The following ESR1 variants were observed in gnomAD, a reference collection of about 807,000 sequenced individuals.
ESR1 encodes the protein estrogen receptor 1.
In ESR1, 12 loss-of-function variants were observed where a neutral mutation model predicts 52.7. That is an observed-to-expected ratio of 0.23 (90% CI 0.15 to 0.37). The LOEUF (loss-of-function observed/expected upper bound fraction) is 0.37. Among genes scored for constraint, ESR1 ranks in the 10% least tolerant of loss-of-function variants. The probability of loss-of-function intolerance (pLI) is 1.00; values close to 1 mark genes in which losing one functional copy is unlikely to be tolerated. For synonymous variants in ESR1, 305 were observed against 316.8 expected (o/e 0.96, Z 0.39); for missense variants, 584 against 779.7 (o/e 0.75, Z 2.99).
intron 2 of ESR1, among the ~76,000 whole-genome samples, chr6:151,771,466 T>C (rs1191457970): frequency 6.6e-6 from 1 of 152,234 alleles, no homozygotes; most frequent in Non-Finnish European, 1.5e-5. Context: ...GAATTTCTTG[T>C]GGCAGGCTGG....
At chr6:152,120,953 G>C (rs1013837961) in intron 6 of ESR1, among the ~76,000 whole-genome samples, 1 of 152,122 alleles carries the variant, frequency 6.6e-6, no homozygotes, top group Non-Finnish European at 1.5e-5. Context: ...GAGAGAAGTT[G>C]AAGGTTTACA....
intron 2 of ESR1, among the ~76,000 whole-genome samples, chr6:151,858,042 G>A (rs949894269): frequency 5.9e-5 from 9 of 151,980 alleles, no homozygotes; most frequent in African/African-American, 2.2e-4. Context: ...TCTTCCCTCA[G>A]TACAGAAAGA....
intron 5 of ESR1, among the ~76,000 whole-genome samples, chr6:152,040,974 A>G (rs1183810243): frequency 6.6e-6 from 1 of 152,152 alleles, no homozygotes; most frequent in African/African-American, 2.4e-5. Context: ...GCTGTGCACA[A>G]CCCACTTTAT....
intron 6 of ESR1, among the ~76,000 whole-genome samples, chr6:152,066,485 G>T: frequency 6.6e-6 from 1 of 152,226 alleles, no homozygotes; most frequent in Non-Finnish European, 1.5e-5. Flanking sequence ...TGGGCACATT[G>T]TCAGGTATGC....
intron 2 of ESR1, among the ~76,000 whole-genome samples, chr6:151,717,220 G>T (rs897469417): frequency 6.6e-6 from 1 of 152,162 alleles, no homozygotes; most frequent in Non-Finnish European, 1.5e-5. Context: ...AGATGAGCTG[G>T]GTACCTCAGT....
chr6:152,054,078 GA>G (rs370376620), intron 5 of ESR1, among the ~76,000 whole-genome samples: 3 of 150,054 alleles, frequency 2.0e-5, no homozygotes, highest in Admixed American at 6.7e-5. Context: ...CTTAGCAAGT[GA>G]AAAAAAAACT....
At chr6:151,670,762 G>GTT (rs35606990) in intron 1 of ESR1, among the ~76,000 whole-genome samples, 6,354 of 85,598 alleles carry the variant, frequency 0.074, 281 homozygotes, top group African/African-American at 0.12. Flanking sequence ...TTTTGTTTTC[G>GTT]TTTTTTTTTT....
intron 3 of ESR1, among the ~76,000 whole-genome samples, chr6:151,888,537 A>G (rs1431533575): frequency 6.6e-6 from 1 of 152,092 alleles, no homozygotes; most frequent in Non-Finnish European, 1.5e-5. Context: ...ACTTTACTGA[A>G]TTTGTTTATT....
At chr6:151,717,001 A>C (rs949332060) in intron 2 of ESR1, among the ~76,000 whole-genome samples, 2 of 152,170 alleles carry the variant, frequency 1.3e-5, no homozygotes, top group Admixed American at 6.5e-5. Context: ...CACCCAAGGG[A>C]ATCTCCTGGT....
intron 2 of ESR1, among the ~76,000 whole-genome samples, chr6:151,742,939 A>G (rs1427665590): frequency 2.6e-5 from 4 of 152,224 alleles, no homozygotes; most frequent in Non-Finnish European, 5.9e-5. Flanking sequence ...ATAAGACGAA[A>G]ATTGAATGGT....
intron 2 of ESR1, among the ~76,000 whole-genome samples, chr6:151,726,415 T>C (rs1781844186): frequency 6.6e-6 from 1 of 151,930 alleles, no homozygotes; most frequent in Non-Finnish European, 1.5e-5. Flanking sequence ...CACTGCAAGC[T>C]CCGCCTGCCG....
intron 6 of ESR1, among the ~76,000 whole-genome samples, chr6:152,067,266 G>A (rs1361508113): frequency 1.3e-5 from 2 of 152,186 alleles, no homozygotes; most frequent in Non-Finnish European, 2.9e-5. Context: ...CCAACAAAAT[G>A]CCTGTAGCCT....
In ESR1 at chr6:152,094,411, C is replaced by T. The variant is rs746527749; in HGVS notation, c.1396C>T (p.Leu466=). 1 of 1,614,164 alleles carries T rather than the reference C, an allele frequency of 6.2e-7. No individual in the cohort carries two copies. Among genetic ancestry groups the T allele is most frequent in the South Asian group, 1.1e-5 (1 of 91,072 alleles). Residue 466 remains leucine (L), a synonymous_variant, in exon 7 of 8, where the codon CTG becomes TTG. Coordinates refer to ENST00000206249, the MANE Select transcript of ESR1 (RefSeq NM_000125.4). This position sits in a 1 kb window ranked among gnomAD's most constrained non-coding sequence, Gnocchi z 4.6. The part of the protein sequence containing the change: ...SGVYTFLSST[L]KSLEEKDHIH... ...AGTGTACACATTTCTGTCCAGCACC[C>T]TGAAGTCTCTGGAAGAGAAGGACCA...
At chr6:151,723,238 G>T (rs1781585846) in intron 2 of ESR1, among the ~76,000 whole-genome samples, 1 of 152,136 alleles carries the variant, frequency 6.6e-6, no homozygotes, top group African/African-American at 2.4e-5. Context: ...GGGAGGGGAA[G>T]AGGGAGGTGA....
upstream of ESR1, among the ~76,000 whole-genome samples, chr6:151,689,165 C>T (rs1321483043): frequency 3.9e-5 from 6 of 152,082 alleles, no homozygotes; most frequent in East Asian, 1.9e-4. Context: ...TAGCTAAATG[C>T]TGTTTGAAAA....
chr6:151,812,037 G>A (rs567408548), intron 1 of ESR1, among the ~76,000 whole-genome samples: 1 of 152,206 alleles, frequency 6.6e-6, no homozygotes, highest in South Asian at 2.1e-4. Context: ...AAATTCTCAG[G>A]TTTGAGAATT....
intron 4 of ESR1, among the ~76,000 whole-genome samples, chr6:151,962,657 T>A (rs2128603470): frequency 6.6e-6 from 1 of 152,326 alleles, no homozygotes; most frequent in African/African-American, 2.4e-5. Context: ...GCCCCCTATC[T>A]CGCCCAAGCC....
chr6:151,933,905 C>T (rs2034028740), intron 3 of ESR1, among the ~76,000 whole-genome samples: 1 of 152,200 alleles, frequency 6.6e-6, no homozygotes, highest in Non-Finnish European at 1.5e-5. Flanking sequence ...ACTGCAATGG[C>T]TTCCTAACTT....
chr6:152,052,379 G>A (rs6557196), intron 5 of ESR1, among the ~76,000 whole-genome samples: 33,187 of 152,056 alleles, frequency 0.22, 5,237 homozygotes, highest in African/African-American at 0.43. Flanking sequence ...GTAGAACAGT[G>A]ATATAAGGCA....
Sources: gnomAD v4.1 joint callset for allele counts (sites outside exome capture counted in the v4.1 genomes callset) on GRCh38, gnomAD v4.1.1 for gene constraint, Gnocchi (gnomAD v3.1) non-coding constraint, MANE v1.5 for transcripts, NCBI Gene and HGNC (gene_info 2026-07-23, HGNC 2026-07-21) for gene names.